The following PCCA variants were observed in gnomAD, a reference collection of about 807,000 sequenced individuals.
PCCA encodes the protein propionyl-CoA carboxylase alpha chain, mitochondrial.
In PCCA, 74 loss-of-function variants were observed where a neutral mutation model predicts 101.3. That is an observed-to-expected ratio of 0.73 (90% CI 0.61 to 0.89). PCCA has a LOEUF of 0.89. Among genes scored for constraint, PCCA ranks in the 40% least tolerant of loss-of-function variants. The pLI is 0.00. For synonymous variants in PCCA, 294 were observed against 313.6 expected (o/e 0.94, Z 0.66); for missense variants, 891 against 907.0 (o/e 0.98, Z 0.23).
intron 18 of PCCA, among the ~76,000 whole-genome samples, chr13:100,363,952 A>G (rs2074910094): frequency 6.6e-6 from 1 of 152,202 alleles, no homozygotes; most frequent in African/African-American, 2.4e-5. Context: ...CTTCACCATC[A>G]AATATAAAAA....
chr13:100,425,584 A>G (rs375025828), intron 19 of PCCA, 49 bp from the exon 20 acceptor site: 2 of 1,253,240 alleles, frequency 1.6e-6, no homozygotes, highest in African/African-American at 1.5e-5. Context: ...ACTTGAGATC[A>G]GTTTTCTGTC....
At chr13:100,264,095 TATATC>T in intron 10 of PCCA, among the ~76,000 whole-genome samples, 3 of 146,008 alleles carry the variant, frequency 2.1e-5, no homozygotes, top group Non-Finnish European at 4.6e-5. Flanking sequence ...ACGGTATCTG[TATATC>T]GTATATATAC....
rs377044526 is a variant in PCCA at position 100,240,424 on chromosome 13, G to A, written c.637+4546G>A. On this transcript the variant is annotated intron_variant, in intron 8 of 23. Coordinates refer to ENST00000376285, the MANE Select transcript of PCCA (RefSeq NM_000282.4). ...TGAAGGGGGATGGCAGGACCTAGCA[G>A]ACTCTTGCTGATATCTTCACAAAAA... is the stretch of plus-strand genomic sequence containing the variant. Among the ~76,000 whole-genome samples, 146 of 151,238 alleles carry A rather than the reference G, an allele frequency of 9.7e-4. 4 individuals carry two copies. The South Asian group carries it at 0.028, about 29-fold the overall frequency.
At chr13:100,510,736 G>T (rs2086419395) in intron 21 of PCCA, among the ~76,000 whole-genome samples, 1 of 152,232 alleles carries the variant, frequency 6.6e-6, no homozygotes, top group Admixed American at 6.5e-5. Flanking sequence ...CATGTGGGTT[G>T]TAGGAGAAAG....
chr13:100,322,395 A>G (rs1439336480), intron 16 of PCCA, among the ~76,000 whole-genome samples: 1 of 152,002 alleles, frequency 6.6e-6, no homozygotes, highest in Non-Finnish European at 1.5e-5. Context: ...CTAAAATTCT[A>G]TTACTATGGA....
chr13:100,096,802 C>T (rs545738984), intron 1 of PCCA, among the ~76,000 whole-genome samples: 19 of 152,358 alleles, frequency 1.2e-4, no homozygotes, highest in African/African-American at 3.4e-4. Flanking sequence ...CCTAATCCAG[C>T]GCAAGGTCCT....
At chr13:100,332,449 C>T (rs957794803) in intron 17 of PCCA, among the ~76,000 whole-genome samples, 1 of 152,006 alleles carries the variant, frequency 6.6e-6, no homozygotes, top group African/African-American at 2.4e-5. Context: ...AAGGAGAAAA[C>T]AGGGAAAAAC....
At chr13:100,344,075 A>T (rs1362106878) in intron 18 of PCCA, among the ~76,000 whole-genome samples, 1 of 152,242 alleles carries the variant, frequency 6.6e-6, no homozygotes, top group Non-Finnish European at 1.5e-5. Context: ...ACCCTGTCTC[A>T]AAGTAATAAA....
chr13:100,391,396 T>C (rs1440503709), intron 19 of PCCA, among the ~76,000 whole-genome samples: 2 of 152,154 alleles, frequency 1.3e-5, no homozygotes, highest in Non-Finnish European at 2.9e-5. Flanking sequence ...GAGTTGATTA[T>C]GGCATTAGAA....
At position 100,501,871 on chromosome 13, in the gene PCCA, C is replaced by CTAAA. The variant is rs554849408; in HGVS notation, c.1900-13555_1900-13554insAAAT. On this transcript the variant is annotated intron_variant, in intron 21 of 23. Transcript: ENST00000376285. ...CCTGGGCAACAGAGGGACACTCCTT[C>CTAAA]TCAATAAATAAATAAATAAATAAAT... Among the ~76,000 whole-genome samples the CTAAA allele has an allele frequency of 9.7e-3, 1,371 of 140,696 alleles. 11 individuals carry two copies. The highest frequency in any genetic ancestry group is 0.026 in the Admixed American group (359 of 14,038). The allele number at this position is 140,696 out of a possible 152,430, so 92.3% of individuals were successfully genotyped here.
At chr13:100,483,593 A>G (rs913715038) in intron 21 of PCCA, among the ~76,000 whole-genome samples, 2 of 152,240 alleles carry the variant, frequency 1.3e-5, no homozygotes, top group African/African-American at 4.8e-5. Context: ...TTTCTTTAAG[A>G]TGAGGCTCTT....
chr13:100,475,347 G>A (rs1028515872), intron 21 of PCCA, among the ~76,000 whole-genome samples: 3 of 152,074 alleles, frequency 2.0e-5, no homozygotes, highest in African/African-American at 7.2e-5. Flanking sequence ...TCCCGCCTGT[G>A]GTAGCCACTG....
At chr13:100,454,080 C>T (rs559288176) in intron 21 of PCCA, among the ~76,000 whole-genome samples, 10 of 152,174 alleles carry the variant, frequency 6.6e-5, no homozygotes, top group Admixed American at 5.2e-4. Flanking sequence ...ACTGTGTTAG[C>T]CAGGATGGTC....
intron 4 of PCCA, among the ~76,000 whole-genome samples, chr13:100,145,940 T>A (rs1164854777): frequency 3.4e-5 from 5 of 147,568 alleles, no homozygotes; most frequent in African/African-American, 7.4e-5. Context: ...AAGATAGTTT[T>A]GCTTTTTTTT....
chr13:100,405,591 A>G (rs1283305448), intron 19 of PCCA, among the ~76,000 whole-genome samples: 1 of 152,168 alleles, frequency 6.6e-6, no homozygotes, highest in Non-Finnish European at 1.5e-5. Context: ...TTATTTCTAC[A>G]TAGGCCTTTT....
chr13:100,178,561 A>G (rs902557700), intron 6 of PCCA, among the ~76,000 whole-genome samples: 6 of 152,154 alleles, frequency 3.9e-5, no homozygotes, highest in Non-Finnish European at 7.3e-5. Context: ...ACTGGCTTCA[A>G]TTGCTGACAC....
chr13:100,131,690 T>C (rs2050530674), intron 4 of PCCA, among the ~76,000 whole-genome samples: 2 of 152,152 alleles, frequency 1.3e-5, no homozygotes, highest in Non-Finnish European at 2.9e-5. Flanking sequence ...TATTTTATTA[T>C]ATTAGCTTAT....
At chr13:100,382,926 CTGCT>C (rs2076310287) in intron 19 of PCCA, among the ~76,000 whole-genome samples, 1 of 151,990 alleles carries the variant, frequency 6.6e-6, no homozygotes, top group Non-Finnish European at 1.5e-5. Flanking sequence ...AGGCACTCAA[CTGCT>C]TGGGGGAAGG....
chr13:100,368,619 A>C (rs370804857), intron 19 of PCCA, 45 bp downstream of exon 19: 4 of 1,203,662 alleles, frequency 3.3e-6, no homozygotes, highest in Non-Finnish European at 5.0e-6. Context: ...GATGTTATCT[A>C]TGAATATTTA....
Sources: allele counts gnomAD v4.1 joint callset (sites outside exome capture counted in the v4.1 genomes callset), GRCh38; gene constraint gnomAD v4.1.1; transcripts MANE v1.5; gene names NCBI Gene and HGNC (gene_info 2026-07-23, HGNC 2026-07-21).